LINGO2: variants seen among roughly 807,000 people sequenced by gnomAD.
LINGO2 encodes the protein leucine rich repeat and Ig domain containing 2.
A neutral mutation model predicts 30.6 loss-of-function variants in LINGO2; 14 were observed. That is an observed-to-expected ratio of 0.46 (90% CI 0.30 to 0.72). LINGO2 has a LOEUF of 0.72. LINGO2 is among the 30% of genes least tolerant of loss of function. LINGO2 has a pLI of 0.07. For missense variants in LINGO2, 729 were observed against 751.7 expected, an observed-to-expected ratio of 0.97 and a Z score of 0.35; for synonymous variants, 317 against 288.5, an observed-to-expected ratio of 1.10 and a Z score of -1.00.
the LINGO2 span, among the ~76,000 whole-genome samples, chr9:29,150,909 G>T: frequency 5.3e-5 from 8 of 152,028 alleles, no homozygotes; most frequent in African/African-American, 1.9e-4. Flanking sequence ...GAGAATCCCT[G>T]CAAGATACTA....
the LINGO2 span, among the ~76,000 whole-genome samples, chr9:28,804,948 C>G: frequency 6.6e-6 from 1 of 152,050 alleles, no homozygotes. Flanking sequence ...ATGAAAGCAC[C>G]TAAGGAAAAG....
the LINGO2 span, among the ~76,000 whole-genome samples, chr9:28,892,512 C>T: frequency 6.6e-6 from 1 of 152,016 alleles, no homozygotes; most frequent in Admixed American, 6.6e-5. Flanking sequence ...TACTAATAAT[C>T]CATGTTTCAT....
intron 1 of LINGO2, among the ~76,000 whole-genome samples, chr9:28,550,513 T>C (rs185153140): frequency 9.2e-5 from 14 of 151,986 alleles, no homozygotes. Flanking sequence ...TTCTTAAACA[T>C]ATTTATTTTA....
chr9:28,342,753 T>C (rs1396672754), intron 3 of LINGO2, among the ~76,000 whole-genome samples: 1 of 152,090 alleles, frequency 6.6e-6, no homozygotes, highest in African/African-American at 2.4e-5. Context: ...TAATTTAATA[T>C]TATTTGAAAA....
the LINGO2 span, among the ~76,000 whole-genome samples, chr9:28,735,084 C>A: frequency 6.6e-6 from 1 of 151,984 alleles, no homozygotes; most frequent in African/African-American, 2.4e-5. Flanking sequence ...AATATGTTTA[C>A]TGTAAATTGT....
At chr9:28,201,512 T>A (rs1820233810) in intron 4 of LINGO2, among the ~76,000 whole-genome samples, 1 of 150,516 alleles carries the variant, frequency 6.6e-6, no homozygotes, top group East Asian at 1.9e-4. Flanking sequence ...AAGTCTTTGC[T>A]ATTGTGAATA....
Position 28,557,260 on chromosome 9 carries a change from T to C in LINGO2, c.-364-81235A>G, listed in dbSNP as rs1385123352. Reference sequence around the variant, plus strand: ...ACAACCTACTCATCTGACAAAGGGCTAATATCCAGAATCTACAATGAACTC... The same window carrying C: ...ACAACCTACTCATCTGACAAAGGGCCAATATCCAGAATCTACAATGAACTC... On this transcript the variant is annotated intron_variant, in intron 1 of 5. Transcript: ENST00000379992. Among the ~76,000 whole-genome samples the C allele has an allele frequency of 4.6e-5, 7 of 152,018 alleles. No individual in the cohort carries two copies. In the East Asian group the frequency reaches 1.4e-3, roughly 29 times the overall value.
the LINGO2 span, among the ~76,000 whole-genome samples, chr9:29,213,107 C>G: frequency 6.6e-6 from 1 of 152,122 alleles, no homozygotes; most frequent in South Asian, 2.1e-4. Context: ...AGCCTTCGTA[C>G]CAGTGGAAAT....
At chr9:28,841,083 C>T in the LINGO2 span, among the ~76,000 whole-genome samples, 1 of 151,754 alleles carries the variant, frequency 6.6e-6, no homozygotes, top group Non-Finnish European at 1.5e-5. Context: ...TACTCTGTAA[C>T]CTCCAAATGT....
chr9:28,189,537 GAGGGAGGGAGGAAGGA>G (rs1819706904), intron 4 of LINGO2, among the ~76,000 whole-genome samples: 1 of 1,614 alleles, frequency 6.2e-4, no homozygotes, highest in Non-Finnish European at 1.7e-3. Flanking sequence ...GGGAGGGAGG[GAGGGAGGGAGGAAGGA>G]AGGAAGGGAG....
chr9:28,417,158 G>A (rs1184865686), intron 2 of LINGO2, among the ~76,000 whole-genome samples: 1 of 152,108 alleles, frequency 6.6e-6, no homozygotes, highest in Non-Finnish European at 1.5e-5. Context: ...CTGGGGAAAT[G>A]GTTAGTCTGT....
the LINGO2 span, among the ~76,000 whole-genome samples, chr9:28,956,271 G>A: frequency 6.6e-6 from 1 of 152,204 alleles, no homozygotes; most frequent in South Asian, 2.1e-4. Flanking sequence ...CTTAGTTGGA[G>A]AGGGGAAAAA....
chr9:29,115,109 T>C, the LINGO2 span, among the ~76,000 whole-genome samples: 1 of 152,036 alleles, frequency 6.6e-6, no homozygotes, highest in African/African-American at 2.4e-5. Context: ...TCAAAGAAAC[T>C]GACAATGGAG....
At chr9:27,988,664 T>A (rs887760077) in intron 5 of LINGO2, among the ~76,000 whole-genome samples, 2 of 152,032 alleles carry the variant, frequency 1.3e-5, no homozygotes, top group African/African-American at 4.8e-5. Context: ...TGTCTGTTCA[T>A]ATCCTTTGCC....
intron 4 of LINGO2, among the ~76,000 whole-genome samples, chr9:28,156,015 A>G (rs567863812): frequency 6.6e-6 from 1 of 152,222 alleles, no homozygotes; most frequent in South Asian, 2.1e-4. Flanking sequence ...TGTTATAGTA[A>G]CCCAAACAAA....
At chr9:28,041,252 A>G (rs1333450813) in intron 4 of LINGO2, among the ~76,000 whole-genome samples, 2 of 152,170 alleles carry the variant, frequency 1.3e-5, no homozygotes, top group Non-Finnish European at 1.5e-5. Context: ...AGGTTCATAC[A>G]ATGTGGCAAG....
the LINGO2 span, among the ~76,000 whole-genome samples, chr9:29,191,809 A>T: frequency 6.6e-6 from 1 of 152,176 alleles, no homozygotes; most frequent in Non-Finnish European, 1.5e-5. Context: ...AAGATGAATA[A>T]GATTAAATAT....
At chr9:28,244,335 G>A (rs937606341) in intron 4 of LINGO2, among the ~76,000 whole-genome samples, 1 of 152,190 alleles carries the variant, frequency 6.6e-6, no homozygotes. Flanking sequence ...AGTTTTAAGA[G>A]GGAAATTGAT....
At chr9:28,502,070 G>A (rs371169749) in intron 1 of LINGO2, among the ~76,000 whole-genome samples, 1 of 150,968 alleles carries the variant, frequency 6.6e-6, no homozygotes, top group Non-Finnish European at 1.5e-5. Flanking sequence ...GAGGGAGGAA[G>A]ACAAAGGTTG....
Sources: allele counts gnomAD v4.1 joint callset (sites outside exome capture counted in the v4.1 genomes callset), GRCh38; gene constraint gnomAD v4.1.1; transcripts MANE v1.5; gene names NCBI Gene and HGNC (gene_info 2026-07-23, HGNC 2026-07-21).